ACYP2: variants seen among roughly 807,000 people sequenced by gnomAD.
ACYP2 encodes the protein acylphosphatase 2, also known as acylphosphatase-2.
In ACYP2, 12 loss-of-function variants were observed where a neutral mutation model predicts 11.2. The observed-to-expected ratio is 1.08, with a 90% CI of 0.69 to 1.74. ACYP2 has a LOEUF of 1.74. Among genes scored for constraint, ACYP2 ranks in the 40% most tolerant of loss-of-function variants. The probability of loss-of-function intolerance (pLI) is 0.00; values close to 1 mark genes in which losing one functional copy is unlikely to be tolerated. For synonymous variants in ACYP2, 43 were observed against 32.2 expected (o/e 1.33, Z -1.13); for missense variants, 134 against 101.9 (o/e 1.31, Z -1.35).
intron 4 of ACYP2, among the ~76,000 whole-genome samples, chr2:54,088,071 C>G (rs1261210573): frequency 6.6e-6 from 1 of 152,166 alleles, no homozygotes; most frequent in Non-Finnish European, 1.5e-5. Flanking sequence ...TACATGGCCC[C>G]TGCAGCTGGG....
chr2:54,284,320 C>G (rs1429022130), intron 6 of ACYP2, among the ~76,000 whole-genome samples: 1 of 152,188 alleles, frequency 6.6e-6, no homozygotes, highest in Non-Finnish European at 1.5e-5. Context: ...TCACTCGTCT[C>G]CTCAACATAC....
intron 6 of ACYP2, among the ~76,000 whole-genome samples, chr2:54,219,877 GTGTGTA>G (rs1374078313): frequency 2.1e-4 from 11 of 52,590 alleles, no homozygotes; most frequent in Non-Finnish European, 3.0e-4. Flanking sequence ...GTGTGTGTGT[GTGTGTA>G]TATATATATA....
intron 6 of ACYP2, among the ~76,000 whole-genome samples, chr2:54,184,541 A>C (rs1299321845): frequency 6.6e-6 from 1 of 152,216 alleles, no homozygotes; most frequent in Non-Finnish European, 1.5e-5. Context: ...CCTAAATCAT[A>C]CAAGTAGGTA....
chr2:54,112,785 C>T (rs780998142), intron 4 of ACYP2, among the ~76,000 whole-genome samples: 5 of 152,132 alleles, frequency 3.3e-5, no homozygotes, highest in Admixed American at 6.5e-5. Flanking sequence ...CAATCCATGC[C>T]GAAATGGTAC....
intron 6 of ACYP2, among the ~76,000 whole-genome samples, chr2:54,234,998 A>G (rs1686407866): frequency 6.6e-6 from 1 of 152,238 alleles, no homozygotes; most frequent in Non-Finnish European, 1.5e-5. Flanking sequence ...AAGTTAGCAT[A>G]AGTTTATTCT....
chr2:54,065,209 T>C (rs1486266730), intron 4 of ACYP2, among the ~76,000 whole-genome samples: 1 of 152,222 alleles, frequency 6.6e-6, no homozygotes, highest in African/African-American at 2.4e-5. Context: ...TTAAGGGTTA[T>C]TTAACATTTG....
At chr2:54,022,729 A>C (rs554318561) in intron 2 of ACYP2, among the ~76,000 whole-genome samples, 3 of 152,162 alleles carry the variant, frequency 2.0e-5, no homozygotes, top group Admixed American at 2.0e-4. Flanking sequence ...GTAGATGCAG[A>C]AAGGACTCTC....
chr2:54,145,500 A>G (rs763561034), intron 6 of ACYP2, among the ~76,000 whole-genome samples: 3 of 151,962 alleles, frequency 2.0e-5, no homozygotes, highest in Non-Finnish European at 4.4e-5. Context: ...TTATGATGGG[A>G]TTTTCAAACA....
intron 4 of ACYP2, among the ~76,000 whole-genome samples, chr2:54,063,848 G>C (rs913789819): frequency 1.3e-5 from 2 of 152,178 alleles, no homozygotes; most frequent in African/African-American, 4.8e-5. Context: ...GGTGGGGCTG[G>C]TGGTGGTGAA....
intron 6 of ACYP2, among the ~76,000 whole-genome samples, chr2:54,173,356 G>A (rs1424044051): frequency 6.6e-6 from 1 of 152,218 alleles, no homozygotes; most frequent in Non-Finnish European, 1.5e-5. Flanking sequence ...TTTGAGAAGT[G>A]TCTGTTTATA....
At chr2:54,243,646 T>G (rs751359246) in intron 6 of ACYP2, among the ~76,000 whole-genome samples, 1 of 152,146 alleles carries the variant, frequency 6.6e-6, no homozygotes, top group South Asian at 2.1e-4. Context: ...CTCAGCTCAC[T>G]GCAACCTCTG....
chr2:54,261,527 A>C (rs843691), intron 6 of ACYP2, among the ~76,000 whole-genome samples: 71,872 of 152,002 alleles, frequency 0.47, 17,668 homozygotes, highest in African/African-American at 0.61. Flanking sequence ...TCTGGGAAAC[A>C]GAAAAACATG....
intron 6 of ACYP2, among the ~76,000 whole-genome samples, chr2:54,240,937 T>C (rs1407783326): frequency 6.6e-6 from 1 of 152,216 alleles, no homozygotes; most frequent in African/African-American, 2.4e-5. Context: ...AGGAGATGAA[T>C]GTCTGTTCTC....
At chr2:54,078,813 G>A (rs1449243904) in intron 4 of ACYP2, among the ~76,000 whole-genome samples, 1 of 152,044 alleles carries the variant, frequency 6.6e-6, no homozygotes, top group Admixed American at 6.5e-5. Flanking sequence ...GGCCAGGCTG[G>A]TCTGGAACTC....
intron 6 of ACYP2, among the ~76,000 whole-genome samples, chr2:54,189,688 C>T (rs577207978): frequency 9.2e-5 from 14 of 152,176 alleles, no homozygotes; most frequent in African/African-American, 3.4e-4. Context: ...GATATCTTTA[C>T]AAGGTGGCAA....
chr2:54,265,106 G>T (rs368607113), intron 6 of ACYP2, among the ~76,000 whole-genome samples: 1 of 152,172 alleles, frequency 6.6e-6, no homozygotes. Context: ...ATAATAAAAA[G>T]TAGGGGGTCA....
intron 2 of ACYP2, among the ~76,000 whole-genome samples, chr2:54,043,396 C>G (rs553722138): frequency 1.3e-5 from 2 of 152,252 alleles, no homozygotes; most frequent in African/African-American, 4.8e-5. Flanking sequence ...AAGGCATGCT[C>G]AGTGGCATTT....
Position 54,249,124 on chromosome 2 carries a change from T to C in ACYP2, c.405-55564T>C, listed in dbSNP as rs183870747. Among the ~76,000 whole-genome samples, 400 of 152,178 alleles carry C rather than the reference T, an allele frequency of 2.6e-3. 3 individuals carry two copies. The highest frequency in any genetic ancestry group is 0.01 in the South Asian group (50 of 4,810). ...ATTTTCTTCTGCAGGCAGTGGTGCATTGACAAGGATATTTGAGCAAAAGGG... is the reference window on the plus strand; with the variant it reads ...ATTTTCTTCTGCAGGCAGTGGTGCACTGACAAGGATATTTGAGCAAAAGGG... On this transcript the variant is annotated intron_variant, in intron 6 of 6. Transcript: ENST00000607452.
chr2:54,051,375 G>C, intron 3 of ACYP2: 1 of 754,192 alleles, frequency 1.3e-6, no homozygotes, highest in Non-Finnish European at 2.4e-6. Flanking sequence ...CTGCTAAAGA[G>C]AAAAGTGAAG....
Sources: allele counts gnomAD v4.1 joint callset (sites outside exome capture counted in the v4.1 genomes callset), GRCh38; gene constraint gnomAD v4.1.1; transcripts MANE v1.5; gene names NCBI Gene and HGNC (gene_info 2026-07-23, HGNC 2026-07-21).